The following EIF4G3 variants were observed in gnomAD, a reference collection of about 807,000 sequenced individuals.
EIF4G3 encodes eukaryotic translation initiation factor 4 gamma 3, also known as eIF-4-gamma 3.
A neutral mutation model predicts 186.4 loss-of-function variants in EIF4G3; 34 were observed. The ratio of observed to expected loss-of-function variants is 0.18; its 90% CI spans 0.14 to 0.24. The LOEUF (loss-of-function observed/expected upper bound fraction) is 0.24, where lower values mean the gene tolerates loss of function less well. Among genes scored for constraint, EIF4G3 ranks in the 10% least tolerant of loss-of-function variants. The pLI, the probability that EIF4G3 is intolerant of heterozygous loss-of-function variation, is 1.00. For missense variants in EIF4G3, 1,536 were observed against 1,948.5 expected (o/e 0.79, Z 3.99); for synonymous variants, 673 against 679.5 (o/e 0.99, Z 0.15).
rs1251292726 is a variant in EIF4G3, at chr1:20,886,271, G to A, written c.2354C>T (p.Ala785Val). 1.2e-6 allele frequency: 2 copies of A among 1,613,800 alleles called. No individual in the cohort carries two copies. Among genetic ancestry groups the A allele is most frequent in the Non-Finnish European group, 1.7e-6 (2 of 1,179,938 alleles). ...TTGGCTTGGCTTCCAGGCATTTTCT[G>A]CCTTTTTCAGGTGTACATCTTCTTT... ...SVKEDVHLKK[A>V]ENAWKPSQKR... Residue 785 changes from alanine (A) to valine (V), a missense_variant, in exon 19 of 37, where the codon GCA becomes GTA. Coordinates refer to ENST00000602326, the MANE Select transcript of EIF4G3 (RefSeq NM_001391906.1).
intron 4 of EIF4G3, among the ~76,000 whole-genome samples, chr1:21,007,538 C>CAAAAA (rs1471121881): frequency 8.5e-5 from 5 of 58,516 alleles, no homozygotes; most frequent in Non-Finnish European, 1.4e-4. Context: ...AAAAAAAAAA[C>CAAAAA]ACACTCAAAA....
At chr1:20,910,352 A>C (rs1309085655) in intron 14 of EIF4G3, among the ~76,000 whole-genome samples, 1 of 152,156 alleles carries the variant, frequency 6.6e-6, no homozygotes, top group Non-Finnish European at 1.5e-5. Context: ...TTGGGATGCC[A>C]AGGTGGGCAG....
chr1:20,869,274 A>C (rs905189191), intron 20 of EIF4G3, among the ~76,000 whole-genome samples: 4 of 147,918 alleles, frequency 2.7e-5, no homozygotes, highest in African/African-American at 1.0e-4. Flanking sequence ...TAACTCTAAA[A>C]CTCTGGTTTC....
intron 14 of EIF4G3, among the ~76,000 whole-genome samples, chr1:20,918,281 C>A (rs1408327671): frequency 6.6e-6 from 1 of 152,174 alleles, no homozygotes; most frequent in Non-Finnish European, 1.5e-5. Context: ...GCAGTCACGG[C>A]TCACTACACT....
intron 20 of EIF4G3, among the ~76,000 whole-genome samples, chr1:20,873,597 A>G (rs1023443280): frequency 8.5e-6 from 1 of 117,942 alleles, no homozygotes; most frequent in Non-Finnish European, 1.8e-5. Flanking sequence ...TCGTCTTTAA[A>G]AACATTTAAA....
chr1:20,941,407 G>A, intron 14 of EIF4G3, 84 bp downstream of exon 14: 4 of 1,610,606 alleles, frequency 2.5e-6, no homozygotes, highest in Non-Finnish European at 3.4e-6. Context: ...TGGAAGTCAA[G>A]GAAAGTAGCC....
intron 12 of EIF4G3, among the ~76,000 whole-genome samples, chr1:20,964,641 C>T (rs2074208349): frequency 6.6e-6 from 1 of 152,204 alleles, no homozygotes; most frequent in Non-Finnish European, 1.5e-5. Flanking sequence ...AATATAATTG[C>T]TCCCTCGGCA....
At chr1:20,972,892 A>G in intron 11 of EIF4G3, 110 bp downstream of exon 11, 1 of 878,072 alleles carries the variant, frequency 1.1e-6, no homozygotes, top group Non-Finnish European at 1.7e-6. Flanking sequence ...AATAAAAAAA[A>G]AAAAGGCACA....
chr1:21,032,648 G>A (rs937507936), intron 4 of EIF4G3, among the ~76,000 whole-genome samples: 2 of 151,988 alleles, frequency 1.3e-5, no homozygotes, highest in Non-Finnish European at 2.9e-5. Flanking sequence ...TTCAGGTTAT[G>A]TTCTTCAAAT....
At position 21,007,538 on chromosome 1, in the gene EIF4G3, C is replaced by CAAAAAAAAAAA. The variant is rs1471121881; in HGVS notation, c.-66-4731_-66-4730insTTTTTTTTTTT. On this transcript the variant is annotated intron_variant, in intron 4 of 36. Transcript: ENST00000602326. ...CTTAAAAAAAAAAAAAAAAAAAAAACACACTCAAAAACAAAAAAACTGGAA... is the reference window on the plus strand; with the variant it reads ...CTTAAAAAAAAAAAAAAAAAAAAAACAAAAAAAAAAAACACTCAAAAACAAAAAAACTGGAA... Among the ~76,000 whole-genome samples the CAAAAAAAAAAA allele has an allele frequency of 2.2e-4, 13 of 58,488 alleles. 1 individual carries two copies. The highest frequency in any genetic ancestry group is 3.4e-4 in the Non-Finnish European group (10 of 29,206). The allele number at this position is 58,488 out of a possible 152,430, so 38.4% of individuals were successfully genotyped here.
chr1:20,835,562 A>G (rs549292723), intron 30 of EIF4G3, among the ~76,000 whole-genome samples: 140 of 152,306 alleles, frequency 9.2e-4, no homozygotes, highest in African/African-American at 3.2e-3. Flanking sequence ...ACAGAAATAC[A>G]AAGGATCATA....
intron 2 of EIF4G3, among the ~76,000 whole-genome samples, chr1:21,166,110 A>T (rs1016733981): frequency 8.1e-6 from 1 of 123,104 alleles, no homozygotes; most frequent in Non-Finnish European, 1.8e-5. Context: ...ATAGTCTTAA[A>T]CTCTTTTTTT....
intron 14 of EIF4G3, among the ~76,000 whole-genome samples, chr1:20,928,207 G>A (rs1055120402): frequency 6.6e-6 from 1 of 152,026 alleles, no homozygotes; most frequent in Non-Finnish European, 1.5e-5. Flanking sequence ...CACTATATAA[G>A]TAATTGTTGT....
intron 2 of EIF4G3, among the ~76,000 whole-genome samples, chr1:21,174,238 GCT>G (rs1491579607): frequency 6.6e-6 from 1 of 152,172 alleles, no homozygotes; most frequent in Non-Finnish European, 1.5e-5. Flanking sequence ...TTTAACAAGT[GCT>G]TTTTATTCAA....
rs546790772 is a variant in EIF4G3 at position 20,979,296 on chromosome 1, G to A, written c.493+1038C>T. 9.9e-5 allele frequency among the ~76,000 whole-genome samples: 15 copies of A among 152,138 alleles called. No homozygotes were observed. In the South Asian group the frequency reaches 2.7e-3, roughly 27 times the overall value. ...TTTAATTTTTCAAGGCATTTTCATT[G>A]GAACTAATACCCAAAACCTCCCCCA... On this transcript the variant is annotated intron_variant, in intron 10 of 36. Transcript: ENST00000602326.
intron 34 of EIF4G3, among the ~76,000 whole-genome samples, chr1:20,816,794 A>C (rs1232213489): frequency 2.1e-5 from 2 of 94,264 alleles, no homozygotes; most frequent in African/African-American, 7.5e-5. Flanking sequence ...GTTTTGTGGA[A>C]TAGAAAGGCG....
At chr1:21,150,400 A>G (rs2097530953) in intron 2 of EIF4G3, among the ~76,000 whole-genome samples, 1 of 152,220 alleles carries the variant, frequency 6.6e-6, no homozygotes, top group South Asian at 2.1e-4. Context: ...ACCATTTTTC[A>G]TGGCGTCATG....
intron 2 of EIF4G3, among the ~76,000 whole-genome samples, chr1:21,172,018 T>C (rs1018475738): frequency 6.6e-6 from 1 of 151,960 alleles, no homozygotes; most frequent in Non-Finnish European, 1.5e-5. Flanking sequence ...ATCAGGTATG[T>C]ATCTCCTTCT....
chr1:20,929,264 C>T (rs1328602756), intron 14 of EIF4G3: 1 of 152,140 alleles, frequency 6.6e-6, no homozygotes, highest in African/African-American at 2.4e-5. Context: ...TTACCATCCT[C>T]AACTCAACTA....
Sources: allele counts gnomAD v4.1 joint callset (sites outside exome capture counted in the v4.1 genomes callset), GRCh38; gene constraint gnomAD v4.1.1; transcripts MANE v1.5; gene names NCBI Gene and HGNC (gene_info 2026-07-23, HGNC 2026-07-21).